Variants in CNTN4 observed in about 807,000 individuals in gnomAD.
CNTN4 encodes the protein contactin 4.
In CNTN4, 77 loss-of-function variants were observed where a neutral mutation model predicts 122.5. The observed-to-expected ratio is 0.63, with a 90% CI of 0.52 to 0.76. The LOEUF (loss-of-function observed/expected upper bound fraction) is 0.76, where lower values mean the gene tolerates loss of function less well. Ranked by LOEUF, CNTN4 falls within the 30% of genes least tolerant of loss-of-function variation. The pLI, the probability that CNTN4 is intolerant of heterozygous loss-of-function variation, is 0.00. For synonymous variants in CNTN4, 512 were observed against 447.0 expected (o/e 1.15, Z -1.83); for missense variants, 1,256 against 1,259.1 (o/e 1.00, Z 0.04).
intron 1 of CNTN4, 136 bp downstream of exon 1, chr3:2,099,114 C>G (rs972565052): frequency 2.6e-5 from 4 of 152,354 alleles, no homozygotes; most frequent in Middle Eastern, 3.4e-3. Context: ...TCCCGGGGCT[C>G]TGACTCCCGC....
intron 2 of CNTN4, among the ~76,000 whole-genome samples, chr3:2,189,524 G>T (rs528448342): frequency 2.6e-5 from 4 of 152,282 alleles, no homozygotes; most frequent in Admixed American, 2.0e-4. Context: ...GAATCAGTTT[G>T]ATCCATGGAA....
rs543984559 is a variant in CNTN4, at chr3:2,340,585, C to G, written c.-89+1352C>G. On this transcript the variant is annotated intron_variant, in intron 3 of 24. Coordinates refer to ENST00000418658, the MANE Select transcript of CNTN4 (RefSeq NM_175607.3). ...AGTCCCACTACTGGGAAAGCTGAAG[C>G]GAAAGGATCACTTGGGCCTGGGAGG... Among the ~76,000 whole-genome samples the G allele has an allele frequency of 1.2e-3, 178 of 150,028 alleles. 1 individual carries two copies. The highest frequency in any genetic ancestry group is 4.1e-3 in the African/African-American group (167 of 40,922).
chr3:2,827,401 A>G lies in CNTN4; in HGVS notation c.454+7820A>G, dbSNP rs1047923987. Reference sequence around the variant, plus strand: ...ATTTGCACAGTTAAAACTTCCAGACACTCCTGATTTTATTAATTAGGCTGG... The same window carrying G: ...ATTTGCACAGTTAAAACTTCCAGACGCTCCTGATTTTATTAATTAGGCTGG... On this transcript the variant is annotated intron_variant, in intron 7 of 24. Transcript: ENST00000418658. 3.9e-5 allele frequency among the ~76,000 whole-genome samples: 6 copies of G among 152,122 alleles called. 1 individual carries two copies. The highest frequency in any genetic ancestry group is 1.5e-5 in the Non-Finnish European group (1 of 68,010).
At position 3,030,985 on chromosome 3, in the gene CNTN4, TTTG is replaced by T. The variant is rs1699111645; in HGVS notation, c.1783+16_1783+18del. ...GACCTGATTGTAAGAGGTACTGGAT[TTTG>T]TTGTTATTGTTGTTCTTGAAATATT... On this transcript the variant is annotated intron_variant, in intron 16 of 24. Transcript: ENST00000418658. 1.2e-6 allele frequency: 2 copies of T among 1,613,924 alleles called. No homozygotes were observed. The highest frequency in any genetic ancestry group is 8.5e-7 in the Non-Finnish European group (1 of 1,179,836).
chr3:2,412,771 G>T (rs183786828), intron 3 of CNTN4, among the ~76,000 whole-genome samples: 2 of 151,966 alleles, frequency 1.3e-5, no homozygotes, highest in South Asian at 2.1e-4. Context: ...AGGTAGAATC[G>T]TATAGTAGTT....
chr3:2,687,720 A>G (rs2085509294), intron 4 of CNTN4, among the ~76,000 whole-genome samples: 1 of 152,182 alleles, frequency 6.6e-6, no homozygotes, highest in Non-Finnish European at 1.5e-5. Context: ...TCATTCAGTC[A>G]ATTTTTTGTA....
chr3:2,459,595 G>T (rs2049127822), intron 3 of CNTN4, among the ~76,000 whole-genome samples: 1 of 152,058 alleles, frequency 6.6e-6, no homozygotes, highest in Admixed American at 6.6e-5. Context: ...TTTCATCTTG[G>T]TCTTGCCCTT....
intron 4 of CNTN4, among the ~76,000 whole-genome samples, chr3:2,648,016 C>T (rs948177823): frequency 6.6e-6 from 1 of 152,138 alleles, no homozygotes; most frequent in Non-Finnish European, 1.5e-5. Context: ...CTGCTGCATA[C>T]CCATTTTAAA....
rs191546626 is a variant in CNTN4, at chr3:2,714,457, G to T, written c.56-21758G>T. On this transcript the variant is annotated intron_variant, in intron 4 of 24. Coordinates refer to ENST00000418658, the MANE Select transcript of CNTN4 (RefSeq NM_175607.3). ...GGGTTGGAGATGTTTCACTGGTTGG[G>T]TTGCCTGGGATTGGATGCTATGCCA... Among the ~76,000 whole-genome samples, 466 of 152,238 alleles carry T rather than the reference G, an allele frequency of 3.1e-3. 5 individuals carry two copies. Among genetic ancestry groups the T allele is most frequent in the African/African-American group, 0.011 (451 of 41,542 alleles).
intron 13 of CNTN4, among the ~76,000 whole-genome samples, chr3:2,949,466 C>A (rs2094714674): frequency 6.6e-6 from 1 of 152,070 alleles, no homozygotes; most frequent in African/African-American, 2.4e-5. Flanking sequence ...TTATTTGCAC[C>A]CTTCCTTGCT....
intron 13 of CNTN4, chr3:2,927,531 A>G (rs1249949691): frequency 3.6e-6 from 1 of 281,024 alleles, no homozygotes. Context: ...CCTGGAAGAA[A>G]AGAGACAACC....
chr3:2,752,491 A>C (rs1010165656), intron 6 of CNTN4, among the ~76,000 whole-genome samples: 2 of 151,996 alleles, frequency 1.3e-5, no homozygotes, highest in African/African-American at 4.8e-5. Context: ...TCAGCCTCCC[A>C]TGTAGCTGGG....
intron 12 of CNTN4, among the ~76,000 whole-genome samples, chr3:2,908,445 G>A (rs1206414869): frequency 1.3e-5 from 2 of 152,154 alleles, no homozygotes; most frequent in Non-Finnish European, 2.9e-5. Context: ...TTCACTGAAA[G>A]AGTGTTCTCC....
At chr3:2,491,261 A>T (rs962364145) in intron 3 of CNTN4, among the ~76,000 whole-genome samples, 2 of 152,226 alleles carry the variant, frequency 1.3e-5, no homozygotes, top group Non-Finnish European at 2.9e-5. Flanking sequence ...GATTATCAAT[A>T]GAAATAAAGA....
chr3:2,610,504 C>T (rs776368346), intron 4 of CNTN4, among the ~76,000 whole-genome samples: 6 of 152,152 alleles, frequency 3.9e-5, no homozygotes, highest in East Asian at 1.9e-4. Flanking sequence ...ATTTCTGCAA[C>T]GATTTCCACT....
chr3:2,188,323 C>T (rs570179120), intron 2 of CNTN4, among the ~76,000 whole-genome samples: 1 of 152,208 alleles, frequency 6.6e-6, no homozygotes, highest in East Asian at 1.9e-4. Context: ...AGGCCTGGCC[C>T]CTCTCTTGTT....
chr3:2,274,977 AC>A lies in CNTN4; in HGVS notation c.-144-64200del, dbSNP rs1232005938. 5.9e-5 allele frequency among the ~76,000 whole-genome samples: 9 copies of A among 152,228 alleles called. 1 individual carries two copies. The highest frequency in any genetic ancestry group is 1.2e-4 in the Non-Finnish European group (8 of 68,040). On this transcript the variant is annotated intron_variant, in intron 2 of 24. Coordinates refer to ENST00000418658, the MANE Select transcript of CNTN4 (RefSeq NM_175607.3). Reference sequence around the variant, plus strand: ...AGGGTTTGGAGAGTGAGAATAAATTACTGCAAATCCAAACATCTGACTGGAT... The same window carrying A: ...AGGGTTTGGAGAGTGAGAATAAATTATGCAAATCCAAACATCTGACTGGAT...
At chr3:2,904,900 AT>A (rs1340929319) in intron 12 of CNTN4, among the ~76,000 whole-genome samples, 4 of 152,182 alleles carry the variant, frequency 2.6e-5, no homozygotes, top group Admixed American at 1.3e-4. Context: ...ATTTTAAGAG[AT>A]TTTGTAGATC....
chr3:2,190,561 G>T (rs2037482754), intron 2 of CNTN4, among the ~76,000 whole-genome samples: 1 of 151,060 alleles, frequency 6.6e-6, no homozygotes, highest in Non-Finnish European at 1.5e-5. Context: ...TACCAAACAT[G>T]AATACTCTAG....
Sources: gnomAD v4.1 joint callset for allele counts (sites outside exome capture counted in the v4.1 genomes callset) on GRCh38, gnomAD v4.1.1 for gene constraint, MANE v1.5 for transcripts, NCBI Gene and HGNC (gene_info 2026-07-23, HGNC 2026-07-21) for gene names.